Variants in RAD23B observed in about 807,000 individuals in gnomAD.
The protein encoded by RAD23B is lysine-specific demethylase RAD23B.
A neutral mutation model predicts 49.1 loss-of-function variants in RAD23B; 5 were observed. The observed-to-expected ratio is 0.10, with a 90% CI of 0.05 to 0.21. The LOEUF (loss-of-function observed/expected upper bound fraction) is 0.21, where lower values mean the gene tolerates loss of function less well. Ranked by LOEUF, RAD23B falls within the 10% of genes least tolerant of loss-of-function variation. The pLI, the probability that RAD23B is intolerant of heterozygous loss-of-function variation, is 1.00. For synonymous variants in RAD23B, 184 were observed against 165.4 expected (o/e 1.11, Z -0.86); for missense variants, 356 against 486.7 (o/e 0.73, Z 2.53).
At chr9:107,302,266 A>G (rs1587852560) in intron 3 of RAD23B, 152 bp downstream of exon 3, 1 of 1,054,110 alleles carries the variant, frequency 9.5e-7, no homozygotes, top group East Asian at 3.1e-5. Context: ...ACCTTAAGTG[A>G]AACATAAAGT....
Position 107,312,276 on chromosome 9 carries a change from C to G in RAD23B, c.553+539C>G, listed in dbSNP as rs971967896. ...CAAAATGAAGCAGCATTTTTTTTCT[C>G]CCATTGTAGCATCTCTGATACAGTT... On this transcript the variant is annotated intron_variant, in intron 5 of 9. Transcript: ENST00000358015. 2.0e-5 allele frequency among the ~76,000 whole-genome samples: 3 copies of G among 152,082 alleles called. No individual in the cohort carries two copies. In the East Asian group the frequency reaches 5.8e-4, roughly 29 times the overall value.
intron 9 of RAD23B, 94 bp from the exon 10 acceptor site, chr9:107,329,449 C>T: frequency 1.3e-6 from 1 of 762,230 alleles, no homozygotes; most frequent in Non-Finnish European, 2.1e-6. Context: ...AATGATTTAT[C>T]TTTAGTGCTA....
At chr9:107,292,241 G>C (rs1182437945) in intron 1 of RAD23B, among the ~76,000 whole-genome samples, 2 of 152,182 alleles carry the variant, frequency 1.3e-5, no homozygotes, top group Non-Finnish European at 2.9e-5. Flanking sequence ...TGGATGTTTA[G>C]GGTGGTTTTC....
chr9:107,306,537 A>G lies in RAD23B; in HGVS notation c.387A>G (p.Ala129=). ...PTSTPASITP[A]SATASSEPAP... Reference sequence around the variant, plus strand: ...CCACACCTGCATCCATCACTCCAGCATCAGCGACAGCATCTTCTGAACCTG... The same window carrying G: ...CCACACCTGCATCCATCACTCCAGCGTCAGCGACAGCATCTTCTGAACCTG... The change falls in exon 4 of 10, where the codon GCA becomes GCG. Residue 129 remains alanine, a synonymous_variant. Coordinates refer to ENST00000358015, the MANE Select transcript of RAD23B (RefSeq NM_002874.5). 1.2e-6 allele frequency: 2 copies of G among 1,614,096 alleles called. No homozygotes were observed. Among genetic ancestry groups the G allele is most frequent in the Non-Finnish European group, 8.5e-7 (1 of 1,180,000 alleles).
chr9:107,289,357 GT>G (rs920229818), intron 1 of RAD23B, among the ~76,000 whole-genome samples: 6 of 151,146 alleles, frequency 4.0e-5, no homozygotes, highest in Non-Finnish European at 5.9e-5. Context: ...GCTAATTTTA[GT>G]TTTTTTTTGT....
chr9:107,329,482 A>G, intron 9 of RAD23B, 61 bp from the exon 10 acceptor site: 2 of 1,078,804 alleles, frequency 1.9e-6, no homozygotes, highest in Non-Finnish European at 1.4e-6. Flanking sequence ...TAATATGTAA[A>G]TAAAATTAAA....
At chr9:107,296,142 G>C (rs1826515626) in intron 1 of RAD23B, among the ~76,000 whole-genome samples, 1 of 152,202 alleles carries the variant, frequency 6.6e-6, no homozygotes, top group South Asian at 2.1e-4. Context: ...AAAGATCACT[G>C]TTTTGTTCAA....
intron 4 of RAD23B, among the ~76,000 whole-genome samples, chr9:107,310,767 G>A (rs1826873886): frequency 6.6e-6 from 1 of 152,150 alleles, no homozygotes; most frequent in African/African-American, 2.4e-5. Context: ...CTGTACTAGT[G>A]TAGCCCTACC....
intron 2 of RAD23B, among the ~76,000 whole-genome samples, chr9:107,301,114 G>T (rs141639058): frequency 1.2e-4 from 18 of 152,300 alleles, no homozygotes; most frequent in African/African-American, 4.3e-4. Context: ...AGAAACACTA[G>T]AGAGTCCTAG....
chr9:107,307,588 A>G (rs574547766), intron 4 of RAD23B, among the ~76,000 whole-genome samples: 4 of 152,348 alleles, frequency 2.6e-5, no homozygotes, highest in South Asian at 4.1e-4. Flanking sequence ...GTGGAAAACT[A>G]TGCAGTGACT....
intron 9 of RAD23B, among the ~76,000 whole-genome samples, chr9:107,327,986 A>C (rs1299027624): frequency 6.6e-6 from 1 of 152,072 alleles, no homozygotes; most frequent in Non-Finnish European, 1.5e-5. Context: ...GTTTCCTCTG[A>C]TATAGCCATT....
chr9:107,293,794 T>A (rs1001143573), intron 1 of RAD23B, among the ~76,000 whole-genome samples: 7 of 152,206 alleles, frequency 4.6e-5, no homozygotes, highest in African/African-American at 1.7e-4. Context: ...AATGACTGCT[T>A]TTTTAAAGAG....
intron 1 of RAD23B, among the ~76,000 whole-genome samples, chr9:107,290,817 T>C (rs898048178): frequency 6.6e-6 from 1 of 152,212 alleles, no homozygotes; most frequent in Non-Finnish European, 1.5e-5. Flanking sequence ...TTTTCTTAGA[T>C]TGACATAATC....
At chr9:107,310,733 C>T (rs923753354) in intron 4 of RAD23B, among the ~76,000 whole-genome samples, 5 of 152,098 alleles carry the variant, frequency 3.3e-5, no homozygotes, top group Admixed American at 1.3e-4. Flanking sequence ...TTGGGTGTTA[C>T]GATGCCAGAC....
At position 107,329,521 on chromosome 9, in the gene RAD23B, A is replaced by G. The variant is rs1564254788; in HGVS notation, c.1117-22A>G. ...GCCATAATTGGTGTGTTGGATTTAT[A>G]TTTTTTTCCTTTTTCTTCCAGTTAA... is the stretch of plus-strand genomic sequence containing the variant. On this transcript the variant is annotated intron_variant, in intron 9 of 9. Coordinates refer to ENST00000358015, the MANE Select transcript of RAD23B (RefSeq NM_002874.5). The G allele has an allele frequency of 3.4e-6, 5 of 1,449,806 alleles. No homozygotes were observed. The South Asian group carries it at 5.9e-5, about 17-fold the overall frequency. The allele number at this position is 1,449,806 out of a possible 1,614,324, so 89.8% of individuals were successfully genotyped here.
At chr9:107,322,618 G>GCT (rs1827132246) in intron 7 of RAD23B, among the ~76,000 whole-genome samples, 1 of 151,758 alleles carries the variant, frequency 6.6e-6, no homozygotes, top group African/African-American at 2.4e-5. Flanking sequence ...CCCACACATT[G>GCT]CTATAGGTCT....
In RAD23B at chr9:107,331,735, G is replaced by A. The variant is rs770865471; in HGVS notation, c.*2079G>A. On this transcript the variant is annotated 3_prime_UTR_variant, in exon 10 of 10. Transcript: ENST00000358015. ...TCTTGGAAAGTGACAGCAGAAGGTGGCATGGAGCTTGTGTCCTTGGACAAC... is the reference window on the plus strand; with the variant it reads ...TCTTGGAAAGTGACAGCAGAAGGTGACATGGAGCTTGTGTCCTTGGACAAC... 3.9e-6 allele frequency: 3 copies of A among 776,906 alleles called. No individual in the cohort carries two copies. Among genetic ancestry groups the A allele is most frequent in the Non-Finnish European group, 4.8e-6 (2 of 417,340 alleles). 48.1% of individuals were successfully genotyped at this position (776,906 alleles called of 1,614,324 possible). A position where few individuals can be genotyped will look rare whatever the true frequency, so the allele number is the denominator to read the frequency against.
At chr9:107,325,049 T>C (rs755204200) in intron 9 of RAD23B, 45 bp downstream of exon 9, 14 of 1,557,324 alleles carry the variant, frequency 9.0e-6, no homozygotes, top group South Asian at 2.3e-5. Context: ...TTGGCTGGGC[T>C]CATGCCTGTA....
rs548841376 is a variant in RAD23B, at chr9:107,306,563, C to T, written c.413C>T (p.Ala138Val). 3 of 1,614,054 alleles carry T rather than the reference C, an allele frequency of 1.9e-6. No individual in the cohort carries two copies. Among genetic ancestry groups the T allele is most frequent in the African/African-American group, 2.7e-5 (2 of 74,930 alleles). Reference sequence around the variant, plus strand: ...TCAGCGACAGCATCTTCTGAACCTGCACCTGCTAGTGCAGCTAAACAAGAG... The same window carrying T: ...TCAGCGACAGCATCTTCTGAACCTGTACCTGCTAGTGCAGCTAAACAAGAG... ...PASATASSEP[A>V]PASAAKQEKP... is the part of the protein sequence containing the mutation. Residue 138 changes from alanine (A) to valine (V), a missense_variant, in exon 4 of 10, where the codon GCA becomes GTA. Ala to Val is a moderately conservative substitution (Grantham distance 64). This residue lies in a region of RAD23B where 137 missense variants were observed against 122.0 expected (regional missense o/e 1.12). Coordinates refer to ENST00000358015, the MANE Select transcript of RAD23B (RefSeq NM_002874.5).
Sources: allele counts gnomAD v4.1 joint callset (sites outside exome capture counted in the v4.1 genomes callset), GRCh38; gene constraint gnomAD v4.1.1; regional missense constraint gnomAD v4.1.1; transcripts MANE v1.5; gene names NCBI Gene and HGNC (gene_info 2026-07-23, HGNC 2026-07-21).